LDB3: variants seen among roughly 807,000 people sequenced by gnomAD.
The protein encoded by LDB3 is LIM domain-binding protein 3.
LDB3 carries 49 observed loss-of-function variants against 69.0 expected under a neutral mutation model. The observed-to-expected ratio is 0.71, with a 90% CI of 0.56 to 0.90. The LOEUF is 0.90. Among genes scored for constraint, LDB3 ranks in the 40% least tolerant of loss-of-function variants. The pLI is 0.00. For synonymous variants in LDB3, 387 were observed against 396.2 expected (o/e 0.98, Z 0.28); for missense variants, 928 against 974.1 (o/e 0.95, Z 0.63).
chr10:86,680,490 G>A (rs562552534), intron 4 of LDB3, among the ~76,000 whole-genome samples: 1 of 152,228 alleles, frequency 6.6e-6, no homozygotes, highest in Non-Finnish European at 1.5e-5. Flanking sequence ...CAGGGGACGA[G>A]CGTCCAGGCT....
At chr10:86,730,345 C>T (rs1847412689) in intron 13 of LDB3, among the ~76,000 whole-genome samples, 1 of 152,178 alleles carries the variant, frequency 6.6e-6, no homozygotes, top group African/African-American at 2.4e-5. Context: ...CCAATTCTGC[C>T]CCCCAGCAGG....
chr10:86,700,616 T>A (rs1216304985), intron 7 of LDB3, among the ~76,000 whole-genome samples: 1 of 152,164 alleles, frequency 6.6e-6, no homozygotes, highest in African/African-American at 2.4e-5. Flanking sequence ...TGGGAAGGCT[T>A]CCACCTGGGT....
At chr10:86,694,823 C>T (rs1280559648) in intron 7 of LDB3, among the ~76,000 whole-genome samples, 1 of 152,228 alleles carries the variant, frequency 6.6e-6, no homozygotes, top group African/African-American at 2.4e-5. Flanking sequence ...TTGTCCCACC[C>T]TGGTCCAGGC....
chr10:86,687,624 G>A (rs1845557037), intron 5 of LDB3, among the ~76,000 whole-genome samples: 1 of 152,246 alleles, frequency 6.6e-6, no homozygotes, highest in Admixed American at 6.5e-5. Flanking sequence ...GCCTCTCACA[G>A]CGAAGCTGTC....
chr10:86,689,870 C>G (rs1589640234), intron 5 of LDB3, among the ~76,000 whole-genome samples: 1 of 152,296 alleles, frequency 6.6e-6, no homozygotes, highest in African/African-American at 2.4e-5. Flanking sequence ...AAAGTGGGTC[C>G]AGAGAGTGGA....
chr10:86,720,220 G>A (rs992918923), intron 12 of LDB3, among the ~76,000 whole-genome samples: 17 of 152,162 alleles, frequency 1.1e-4, no homozygotes, highest in African/African-American at 3.4e-4. Flanking sequence ...CAAGGCAGGC[G>A]AATCACCTGA....
chr10:86,681,647 G>C lies in LDB3; in HGVS notation c.533G>C (p.Arg178Pro). The C allele has an allele frequency of 1.2e-6, 2 of 1,613,228 alleles. No individual in the cohort carries two copies. Among genetic ancestry groups the C allele is most frequent in the South Asian group, 1.1e-5 (1 of 91,064 alleles). The change falls in exon 5 of 14, where the codon CGG becomes CCG. Residue 178 changes from arginine (R) to proline (P), a missense_variant. Coordinates refer to ENST00000361373, the MANE Select transcript of LDB3 (RefSeq NM_007078.3). The part of the protein sequence containing the change: ...LRAKTSPEGA[R>P]DLLGPKALPG... Reference sequence around the variant, plus strand: ...GCCAAGACCAGCCCAGAGGGGGCCCGGGACCTACTCGGCCCAAAAGCCCTG... The same window carrying C: ...GCCAAGACCAGCCCAGAGGGGGCCCCGGACCTACTCGGCCCAAAAGCCCTG...
At chr10:86,667,021 G>T (rs1041415093), upstream of LDB3, among the ~76,000 whole-genome samples, 1 of 152,194 alleles carries the variant, frequency 6.6e-6, no homozygotes, top group Non-Finnish European at 1.5e-5. Flanking sequence ...GAGAGGGATA[G>T]GGAATGGTAT....
intron 5 of LDB3, chr10:86,687,001 A>G: frequency 6.7e-7 from 1 of 1,496,130 alleles, no homozygotes; most frequent in South Asian, 1.1e-5. Context: ...TTGGCCACCC[A>G]TGTAACCGCC....
intron 2 of LDB3, among the ~76,000 whole-genome samples, chr10:86,671,860 C>G (rs1424211437): frequency 6.6e-6 from 1 of 152,216 alleles, no homozygotes; most frequent in African/African-American, 2.4e-5. Flanking sequence ...TGCCTGTAAT[C>G]CCAGCACTTT....
At chr10:86,701,934 CTGTAGGGT>C (rs543443535) in intron 7 of LDB3, among the ~76,000 whole-genome samples, 60 of 152,322 alleles carry the variant, frequency 3.9e-4, no homozygotes, top group Middle Eastern at 3.4e-3. Context: ...CTAGCAAAGG[CTGTAGGGT>C]GCCTTTCACA....
chr10:86,719,618 A>G (rs112566964), intron 12 of LDB3, among the ~76,000 whole-genome samples: 7 of 152,264 alleles, frequency 4.6e-5, no homozygotes, highest in African/African-American at 1.2e-4. Flanking sequence ...CCTGCCTTAC[A>G]GAGCTGTGGT....
chr10:86,672,888 G>A (rs1187938739), intron 2 of LDB3, among the ~76,000 whole-genome samples: 1 of 152,232 alleles, frequency 6.6e-6, no homozygotes, highest in African/African-American at 2.4e-5. Flanking sequence ...AGATATTGTG[G>A]GGTAGCCAGT....
intron 5 of LDB3, among the ~76,000 whole-genome samples, chr10:86,689,061 C>T (rs933594623): frequency 4.6e-5 from 7 of 151,868 alleles, no homozygotes; most frequent in Non-Finnish European, 1.5e-5. Context: ...CCCTCTTGGC[C>T]ATAACGTGCT....
rs145655904 is a variant in LDB3 at position 86,716,476 on chromosome 10, T to C, written c.1381T>C (p.Tyr461His). The C allele has an allele frequency of 7.2e-7, 1 of 1,392,404 alleles. No homozygotes were observed. Among genetic ancestry groups the C allele is most frequent in the East Asian group, 4.0e-5 (1 of 24,696 alleles). The allele number at this position is 1,392,404 out of a possible 1,614,324, so 86.3% of individuals were successfully genotyped here. A position where few individuals can be genotyped will look rare whatever the true frequency, so the allele number is the denominator to read the frequency against. ...CTACACTCCATCCCCAGCACCAGCC[T>C]ATACCCCCTCACCTGCCCCCAACTA... Reference protein sequence around the residue: ...PTYTPSPAPAYTPSPAPNYNP... With the variant: ...PTYTPSPAPAHTPSPAPNYNP... Residue 461 changes from tyrosine (Y) to histidine (H), a missense_variant, in exon 10 of 14, where the codon TAT becomes CAT. Tyr to His is a moderately conservative substitution (Grantham distance 83). Coordinates refer to ENST00000361373, the MANE Select transcript of LDB3 (RefSeq NM_007078.3).
intron 8 of LDB3, among the ~76,000 whole-genome samples, chr10:86,708,254 A>G (rs2132462434): frequency 6.6e-6 from 1 of 152,328 alleles, no homozygotes; most frequent in Non-Finnish European, 1.5e-5. Flanking sequence ...CTGGCTGCCC[A>G]GCGGGGAGTG....
Position 86,699,928 on chromosome 10 carries a change from G to C in LDB3, c.897-6603G>C. On this transcript the variant is annotated intron_variant, in intron 7 of 13. Transcript: ENST00000361373. The surrounding 1 kb of genome is among the most constrained non-coding windows in gnomAD (Gnocchi z 4.9). ...GGGTAATGAGGCAGAGACCCCTCCT[G>C]GCAGTGGTGAGGTGGGGGCATGCAC... The C allele has an allele frequency of 2.0e-6, 2 of 1,004,440 alleles. No individual in the cohort carries two copies. Among genetic ancestry groups the C allele is most frequent in the Non-Finnish European group, 2.4e-6 (2 of 840,414 alleles). 62.2% of individuals were successfully genotyped at this position (1,004,440 alleles called of 1,614,324 possible).
chr10:86,667,836 G>A (rs1398704529), upstream of LDB3, among the ~76,000 whole-genome samples: 3 of 152,234 alleles, frequency 2.0e-5, no homozygotes. Context: ...GCTTTGGGAG[G>A]CTTCTGTGGC....
At chr10:86,668,634 C>G in intron 1 of LDB3, 35 bp from the exon 2 acceptor site, 1 of 1,313,992 alleles carries the variant, frequency 7.6e-7, no homozygotes, top group Non-Finnish European at 1.1e-6. Flanking sequence ...GCCTGAGTGC[C>G]CTCTCACTCA....
Sources: gnomAD v4.1 joint callset for allele counts (sites outside exome capture counted in the v4.1 genomes callset) on GRCh38, gnomAD v4.1.1 for gene constraint, Gnocchi (gnomAD v3.1) non-coding constraint, MANE v1.5 for transcripts, NCBI Gene and HGNC (gene_info 2026-07-23, HGNC 2026-07-21) for gene names.